Variants in SANBR observed in about 807,000 individuals in gnomAD.
The protein encoded by SANBR is SANT and BTB domain regulator of class switch recombination.
A neutral mutation model predicts 101.8 loss-of-function variants in SANBR; 77 were observed. That is an observed-to-expected ratio of 0.76 (90% CI 0.63 to 0.91). The LOEUF (loss-of-function observed/expected upper bound fraction) is 0.91. Among genes scored for constraint, SANBR ranks in the 40% least tolerant of loss-of-function variants. SANBR has a pLI of 0.00. For synonymous variants in SANBR, 279 were observed against 274.7 expected (o/e 1.02, Z -0.15); for missense variants, 875 against 853.0 (o/e 1.03, Z -0.32).
chr2:61,077,155 T>A lies in SANBR; in HGVS notation c.667T>A (p.Leu223Ile). Residue 223 changes from leucine (L) to isoleucine (I), a missense_variant, in exon 6 of 22, where the codon TTA becomes ATA. Leu to Ile is a conservative substitution (Grantham distance 5). Coordinates refer to ENST00000402291, the MANE Select transcript of SANBR (RefSeq NM_001129993.3). ...KENKDCEMPTLEPGNVISILI... is the reference protein window; with the variant it reads ...KENKDCEMPTIEPGNVISILI... ...GAATAAAGATTGTGAGATGCCCACT[T>A]TAGGTAAAAAACAATCTGTTGCTTA... is the stretch of plus-strand genomic sequence containing the variant. 6.3e-7 allele frequency: 1 copy of A among 1,586,288 alleles called. No individual in the cohort carries two copies. Among genetic ancestry groups the A allele is most frequent in the Non-Finnish European group, 8.6e-7 (1 of 1,156,194 alleles).
intron 11 of SANBR, 80 bp downstream of exon 11, chr2:61,092,667 T>C: frequency 4.4e-6 from 5 of 1,126,364 alleles, no homozygotes; most frequent in Non-Finnish European, 6.2e-6. Context: ...TTAATTGATA[T>C]GTTTAAATGT....
chr2:61,104,342 C>A (rs552195818), intron 13 of SANBR, among the ~76,000 whole-genome samples: 1 of 151,918 alleles, frequency 6.6e-6, no homozygotes, highest in South Asian at 2.1e-4. Flanking sequence ...ATTAGCCGGG[C>A]GTGGTGGTGG....
intron 16 of SANBR, among the ~76,000 whole-genome samples, chr2:61,109,568 G>C (rs1412827907): frequency 2.0e-5 from 3 of 151,416 alleles, no homozygotes; most frequent in Non-Finnish European, 4.4e-5. Flanking sequence ...GATGAAATGT[G>C]ATCTGAGACG....
At chr2:61,080,165 C>T (rs1682027548) in intron 6 of SANBR, among the ~76,000 whole-genome samples, 1 of 141,902 alleles carries the variant, frequency 7.0e-6, no homozygotes, top group Non-Finnish European at 1.5e-5. Flanking sequence ...CCACTGCACT[C>T]CAGTCTGGGC....
At chr2:61,103,356 C>G (rs573667347) in intron 12 of SANBR, among the ~76,000 whole-genome samples, 1 of 152,174 alleles carries the variant, frequency 6.6e-6, no homozygotes, top group African/African-American at 2.4e-5. Flanking sequence ...CCAGGCTGAT[C>G]TCAAACTCCT....
Position 61,108,313 on chromosome 2 carries a change from G to C in SANBR, c.1612-4G>C, listed in dbSNP as rs759245264. On this transcript the variant is annotated splice_region_variant and splice_polypyrimidine_tract_variant and intron_variant, in intron 14 of 21. Coordinates refer to ENST00000402291, the MANE Select transcript of SANBR (RefSeq NM_001129993.3). ...TTTATTAATCTCTTATTCCTGTCTT[G>C]TAGTTCTTGTCATTGAAAAACTGGA... The C allele has an allele frequency of 1.3e-6, 2 of 1,560,496 alleles. No homozygotes were observed. Among genetic ancestry groups the C allele is most frequent in the East Asian group, 2.3e-5 (1 of 43,058 alleles).
At chr2:61,103,760 C>A in intron 12 of SANBR, 93 bp from the exon 13 acceptor site, 1 of 1,141,002 alleles carries the variant, frequency 8.8e-7, no homozygotes, top group Non-Finnish European at 1.3e-6. Context: ...ATGTATATGA[C>A]AATATGACTT....
At chr2:61,085,484 AT>A (rs1682375782) in intron 8 of SANBR, among the ~76,000 whole-genome samples, 1 of 150,952 alleles carries the variant, frequency 6.6e-6, no homozygotes, top group East Asian at 1.9e-4. Context: ...TTCTTTGTCT[AT>A]CCTTGTATCA....
intron 6 of SANBR, among the ~76,000 whole-genome samples, chr2:61,079,903 TA>T (rs936906345): frequency 3.4e-3 from 434 of 127,452 alleles, no homozygotes; most frequent in Non-Finnish European, 3.4e-3. Context: ...CGTCTCAATT[TA>T]AAAAAAAAAA....
chr2:61,077,965 A>G (rs1681880136), intron 6 of SANBR, among the ~76,000 whole-genome samples: 1 of 152,230 alleles, frequency 6.6e-6, no homozygotes, highest in South Asian at 2.1e-4. Flanking sequence ...CAAGGTTTCC[A>G]GTGAGAATTA....
chr2:61,098,315 G>C (rs1683132030), intron 12 of SANBR, among the ~76,000 whole-genome samples: 1 of 152,032 alleles, frequency 6.6e-6, no homozygotes, highest in South Asian at 2.1e-4. Context: ...TGTTGCCCAG[G>C]CTGGTCTCGA....
chr2:61,105,221 C>G (rs895369942), intron 13 of SANBR, among the ~76,000 whole-genome samples: 3 of 151,950 alleles, frequency 2.0e-5, no homozygotes, highest in Admixed American at 6.6e-5. Context: ...TCTGTACTAA[C>G]CAGGCATGGT....
intron 1 of SANBR, among the ~76,000 whole-genome samples, chr2:61,066,816 A>G (rs1440754034): frequency 2.0e-5 from 3 of 152,288 alleles, no homozygotes; most frequent in Middle Eastern, 3.4e-3. Flanking sequence ...TAATACATGT[A>G]TATTAAATAC....
intron 3 of SANBR, among the ~76,000 whole-genome samples, chr2:61,070,846 T>C (rs1681427089): frequency 6.6e-6 from 1 of 151,352 alleles, no homozygotes; most frequent in African/African-American, 2.4e-5. Flanking sequence ...CCATCATGGC[T>C]CACTGCAGCC....
At chr2:61,109,902 C>T (rs1683749051) in intron 16 of SANBR, among the ~76,000 whole-genome samples, 1 of 151,952 alleles carries the variant, frequency 6.6e-6, no homozygotes, top group Non-Finnish European at 1.5e-5. Context: ...ATCCACCTGC[C>T]TCGGCCTCCC....
At chr2:61,108,267 T>G in intron 14 of SANBR, 50 bp from the exon 15 acceptor site, 1 of 1,208,740 alleles carries the variant, frequency 8.3e-7, no homozygotes. Context: ...AATAAGGAGC[T>G]GCAATCTAGG....
intron 11 of SANBR, chr2:61,094,186 A>G: frequency 2.5e-6 from 1 of 395,332 alleles, no homozygotes; most frequent in Non-Finnish European, 3.4e-6. Context: ...GTGAGTTTCG[A>G]CAGTGCTTAC....
Position 61,088,519 on chromosome 2 carries a change from AGTT to A in SANBR, c.1088+64_1088+66del, listed in dbSNP as rs200611802. ...TGTATTTTTGTATATATATATATAT[AGTT>A]GTTGTTGTTGTTTTGGAGACGGAGT... On this transcript the variant is annotated intron_variant, in intron 10 of 21. Transcript: ENST00000402291. The A allele has an allele frequency of 5.8e-3, 6,404 of 1,095,122 alleles. 239 individuals are homozygous for A. In the African/African-American group the frequency reaches 0.09, roughly 15 times the overall value. 67.8% of individuals were successfully genotyped at this position (1,095,122 alleles called of 1,614,324 possible).
At chr2:61,070,739 A>G (rs931565239) in intron 3 of SANBR, among the ~76,000 whole-genome samples, 1 of 147,178 alleles carries the variant, frequency 6.8e-6, no homozygotes, top group Non-Finnish European at 1.5e-5. Context: ...AATATTTTAT[A>G]TATAAATATA....
Sources: allele counts gnomAD v4.1 joint callset (sites outside exome capture counted in the v4.1 genomes callset), GRCh38; gene constraint gnomAD v4.1.1; transcripts MANE v1.5; gene names NCBI Gene and HGNC (gene_info 2026-07-23, HGNC 2026-07-21).